The following EEPD1 variants were observed in gnomAD, a reference collection of about 807,000 sequenced individuals.
The protein encoded by EEPD1 is endonuclease/exonuclease/phosphatase family domain-containing protein 1.
A neutral mutation model predicts 46.3 loss-of-function variants in EEPD1; 17 were observed. That is an observed-to-expected ratio of 0.37 (90% CI 0.25 to 0.55). The LOEUF is 0.55. EEPD1 is among the 20% of genes least tolerant of loss of function. The pLI is 0.83. For synonymous variants in EEPD1, 313 were observed against 315.6 expected (o/e 0.99, Z 0.09); for missense variants, 673 against 745.6 (o/e 0.90, Z 1.13).
chr7:36,154,496 C>G lies in EEPD1; in HGVS notation c.172C>G (p.Arg58Gly). Residue 58 changes from arginine (R) to glycine (G), a missense_variant, in exon 2 of 8, where the codon CGT (arginine) becomes GGT (glycine). Transcript: ENST00000242108. This position sits in a 1 kb window ranked among gnomAD's most constrained non-coding sequence, Gnocchi z 4.2. ...GCTGATGACCCTGCCTGGGGTGACG[C>G]GTGCCGTGGCACGCAGCATCGTGGA... is the stretch of plus-strand genomic sequence containing the variant. ...EELMTLPGVT[R>G]AVARSIVEYR... 6.2e-7 allele frequency: 1 copy of G among 1,614,194 alleles called. No homozygotes were observed. Among genetic ancestry groups the G allele is most frequent in the African/African-American group, 1.3e-5 (1 of 75,056 alleles).
chr7:36,236,707 T>TGG lies in EEPD1; in HGVS notation c.879-2277_879-2276dup, dbSNP rs544453728. ...GTGTCTAGCTCATTGGATGGGGACT[T>TGG]GGAGAACTTTTCTGTCTAGCTAAAG... On this transcript the variant is annotated intron_variant, in intron 2 of 7. Coordinates refer to ENST00000242108, the MANE Select transcript of EEPD1 (RefSeq NM_030636.3). Among the ~76,000 whole-genome samples, 55 of 152,222 alleles carry TGG rather than the reference T, an allele frequency of 3.6e-4. No individual in the cohort carries two copies. The East Asian group carries it at 0.011, about 29-fold the overall frequency.
chr7:36,272,043 C>T (rs1007164866), intron 3 of EEPD1, among the ~76,000 whole-genome samples: 9 of 151,740 alleles, frequency 5.9e-5, no homozygotes, highest in Middle Eastern at 3.4e-3. Flanking sequence ...CACAACGCCC[C>T]GCTAATTTTT....
chr7:36,167,244 A>G (rs904231111), intron 2 of EEPD1, among the ~76,000 whole-genome samples: 2 of 152,212 alleles, frequency 1.3e-5, no homozygotes, highest in African/African-American at 4.8e-5. Flanking sequence ...TTGGGGGGAC[A>G]CAATTTAGCC....
chr7:36,164,065 A>T (rs1211901327), intron 2 of EEPD1, among the ~76,000 whole-genome samples: 1 of 152,190 alleles, frequency 6.6e-6, no homozygotes, highest in Non-Finnish European at 1.5e-5. Flanking sequence ...GTCTACGAAC[A>T]TATGTATTTG....
intron 3 of EEPD1, among the ~76,000 whole-genome samples, chr7:36,265,961 A>G (rs561635001): frequency 1.1e-4 from 17 of 152,318 alleles, no homozygotes; most frequent in African/African-American, 4.1e-4. Flanking sequence ...GCATTTCAGT[A>G]GGAAGTGCCA....
At chr7:36,238,212 CT>C in intron 2 of EEPD1, among the ~76,000 whole-genome samples, 1 of 152,020 alleles carries the variant, frequency 6.6e-6, no homozygotes, top group Non-Finnish European at 1.5e-5. Context: ...CCAGAGGTCA[CT>C]TTTGTGGCCA....
At chr7:36,215,537 C>G (rs1433701131) in intron 2 of EEPD1, among the ~76,000 whole-genome samples, 3 of 152,276 alleles carry the variant, frequency 2.0e-5, no homozygotes, top group African/African-American at 7.2e-5. Context: ...TTTGAAATTT[C>G]ACAGCCAGCC....
chr7:36,291,940 C>T (rs1448768361), intron 6 of EEPD1, among the ~76,000 whole-genome samples: 1 of 152,224 alleles, frequency 6.6e-6, no homozygotes, highest in Non-Finnish European at 1.5e-5. Flanking sequence ...TTGGAAAATA[C>T]TTCATAACTA....
intron 2 of EEPD1, among the ~76,000 whole-genome samples, chr7:36,180,315 G>C (rs550697832): frequency 3.4e-4 from 52 of 152,266 alleles, no homozygotes; most frequent in African/African-American, 1.2e-3. Context: ...TGTCATTTCT[G>C]TGTGGCTTAC....
Position 36,154,387 on chromosome 7 carries a change from C to T in EEPD1, c.63C>T (p.Ser21=), listed in dbSNP as rs1354163565. 1 of 1,613,864 alleles carries T rather than the reference C, an allele frequency of 6.2e-7. No homozygotes were observed. The highest frequency in any genetic ancestry group is 1.3e-5 in the African/African-American group (1 of 74,942). Residue 21 remains serine (S), a synonymous_variant, in exon 2 of 8, where the codon AGC becomes AGT. Transcript: ENST00000242108. The surrounding 1 kb of genome is among the most constrained non-coding windows in gnomAD (Gnocchi z 4.2). ...GGGACCCCTCGGACCTGTCCCATAGCCGCAAGTTCAGCGCAGCCTGTAACT... is the reference window on the plus strand; with the variant it reads ...GGGACCCCTCGGACCTGTCCCATAGTCGCAAGTTCAGCGCAGCCTGTAACT... ...IPRDPSDLSH[S]RKFSAACNFS... is the part of the protein sequence containing the mutation.
At chr7:36,234,166 G>A (rs2115771763) in intron 2 of EEPD1, among the ~76,000 whole-genome samples, 1 of 152,190 alleles carries the variant, frequency 6.6e-6, no homozygotes, top group South Asian at 2.1e-4. Context: ...TGATCTACCT[G>A]CCTTGTTCTC....
intron 2 of EEPD1, among the ~76,000 whole-genome samples, chr7:36,157,282 T>C (rs989562851): frequency 1.3e-5 from 2 of 152,210 alleles, no homozygotes; most frequent in African/African-American, 2.4e-5. Flanking sequence ...ATCATCCTTA[T>C]AATTATTCAA....
Position 36,255,594 on chromosome 7 carries a change from A to G in EEPD1, c.930+16558A>G, listed in dbSNP as rs1160285050. Among the ~76,000 whole-genome samples the G allele has an allele frequency of 2.0e-5, 3 of 152,144 alleles. No homozygotes were observed. In the East Asian group the frequency reaches 5.8e-4, roughly 29 times the overall value. Reference sequence around the variant, plus strand: ...GTCCAGGAATTTATCCATTTCTTCTACATTTTCTGGTTTATTTGCGTACAA... The same window carrying G: ...GTCCAGGAATTTATCCATTTCTTCTGCATTTTCTGGTTTATTTGCGTACAA... On this transcript the variant is annotated intron_variant, in intron 3 of 7. Transcript: ENST00000242108.
chr7:36,234,421 T>C (rs908125198), intron 2 of EEPD1, among the ~76,000 whole-genome samples: 1 of 152,142 alleles, frequency 6.6e-6, no homozygotes, highest in Non-Finnish European at 1.5e-5. Context: ...CCTGTAATTC[T>C]AGTACTGTGG....
At chr7:36,160,196 C>G (rs1414202325) in intron 2 of EEPD1, among the ~76,000 whole-genome samples, 3 of 152,222 alleles carry the variant, frequency 2.0e-5, no homozygotes, top group African/African-American at 7.2e-5. Context: ...GGAGCTCTCA[C>G]TAGGTACCAG....
chr7:36,286,914 C>T (rs1787349594), intron 5 of EEPD1, among the ~76,000 whole-genome samples: 1 of 152,142 alleles, frequency 6.6e-6, no homozygotes. Flanking sequence ...ATCCTCCCAC[C>T]TCAGCCTTCC....
chr7:36,196,229 G>C (rs1384075822), intron 2 of EEPD1, among the ~76,000 whole-genome samples: 6 of 152,136 alleles, frequency 3.9e-5, no homozygotes, highest in Non-Finnish European at 7.3e-5. Flanking sequence ...GCGAGTGAAT[G>C]TGAAGGCCTA....
intron 3 of EEPD1, among the ~76,000 whole-genome samples, chr7:36,274,356 C>T (rs992582189): frequency 1.6e-4 from 24 of 152,346 alleles, no homozygotes; most frequent in African/African-American, 5.8e-4. Context: ...TAGACCTCAG[C>T]AGAGAGTGTA....
At chr7:36,195,721 AATTG>A (rs1214961991) in intron 2 of EEPD1, among the ~76,000 whole-genome samples, 1 of 152,202 alleles carries the variant, frequency 6.6e-6, no homozygotes, top group Non-Finnish European at 1.5e-5. Context: ...TGTATTCTAT[AATTG>A]AAAATTACTG....
Sources: gnomAD v4.1 joint callset for allele counts (sites outside exome capture counted in the v4.1 genomes callset) on GRCh38, gnomAD v4.1.1 for gene constraint, Gnocchi (gnomAD v3.1) non-coding constraint, MANE v1.5 for transcripts, NCBI Gene and HGNC (gene_info 2026-07-23, HGNC 2026-07-21) for gene names.